The following NEK6 variants were observed in gnomAD, a reference collection of about 807,000 sequenced individuals.
NEK6 encodes the protein NIMA related kinase 6, also known as serine/threonine-protein kinase Nek6.
In NEK6, 27 loss-of-function variants were observed where a neutral mutation model predicts 43.5. The ratio of observed to expected loss-of-function variants is 0.62; its 90% CI spans 0.46 to 0.86. The LOEUF (loss-of-function observed/expected upper bound fraction) is 0.86. Among genes scored for constraint, NEK6 ranks in the 40% least tolerant of loss-of-function variants. The probability of loss-of-function intolerance (pLI) is 0.00; values close to 1 mark genes in which losing one functional copy is unlikely to be tolerated. For synonymous variants in NEK6, 167 were observed against 164.1 expected, an observed-to-expected ratio of 1.02 and a Z score of -0.14; for missense variants, 318 against 414.4, an observed-to-expected ratio of 0.77 and a Z score of 2.02.
upstream of NEK6, chr9:124,257,785 C>A (rs1215604278): frequency 8.3e-6 from 12 of 1,452,300 alleles, no homozygotes; most frequent in Admixed American, 6.7e-5. Context: ...CCGAGCGGAT[C>A]GGCCGCAGAA....
chr9:124,339,217 C>T (rs934801704), intron 7 of NEK6, among the ~76,000 whole-genome samples: 9 of 151,692 alleles, frequency 5.9e-5, no homozygotes, highest in Non-Finnish European at 1.0e-4. Flanking sequence ...TTAGTAGAGG[C>T]GGGGTTTTGC....
intron 5 of NEK6, 38 bp downstream of exon 5, chr9:124,321,607 C>A: frequency 7.6e-7 from 1 of 1,315,888 alleles, no homozygotes; most frequent in Non-Finnish European, 1.1e-6. Context: ...GGGGGCTGCG[C>A]AGATCTGGAG....
intron 1 of NEK6, among the ~76,000 whole-genome samples, chr9:124,268,249 G>A (rs2118898191): frequency 6.6e-6 from 1 of 152,258 alleles, no homozygotes; most frequent in Middle Eastern, 3.4e-3. Flanking sequence ...CAGCAGATAG[G>A]GAGTCATTAT....
intron 7 of NEK6, among the ~76,000 whole-genome samples, chr9:124,333,437 G>T (rs890339837): frequency 5.9e-5 from 9 of 152,206 alleles, no homozygotes; most frequent in Non-Finnish European, 1.3e-4. Flanking sequence ...TCAGGGGGTT[G>T]GGGAACCTGC....
chr9:124,288,680 C>T (rs754266730), intron 1 of NEK6, among the ~76,000 whole-genome samples: 2 of 152,158 alleles, frequency 1.3e-5, no homozygotes, highest in Admixed American at 6.5e-5. Flanking sequence ...TTGGTCCTCA[C>T]GGCAGCCCTA....
At chr9:124,268,566 A>T (rs533935035) in intron 1 of NEK6, among the ~76,000 whole-genome samples, 1 of 152,158 alleles carries the variant, frequency 6.6e-6, no homozygotes, top group Non-Finnish European at 1.5e-5. Flanking sequence ...TGGTGTTTTG[A>T]TGGGGTCTTT....
chr9:124,261,493 C>T (rs973047112), intron 1 of NEK6: 3 of 985,316 alleles, frequency 3.0e-6, no homozygotes, highest in Admixed American at 1.2e-4. Flanking sequence ...GGACACTGTT[C>T]GCAGGAAGAG....
intron 4 of NEK6, among the ~76,000 whole-genome samples, chr9:124,316,153 G>C (rs189056083): frequency 2.6e-5 from 4 of 152,248 alleles, no homozygotes; most frequent in Non-Finnish European, 5.9e-5. Flanking sequence ...AAAAGGAAAC[G>C]TGGTTTTCGG....
At chr9:124,291,991 GGC>G in intron 1 of NEK6, 1 of 988,088 alleles carries the variant, frequency 1.0e-6, no homozygotes, top group Non-Finnish European at 1.2e-6. Context: ...AGCCCAGAGA[GGC>G]GACCCAGCTC....
At chr9:124,289,788 C>T (rs1033299941) in intron 1 of NEK6, among the ~76,000 whole-genome samples, 6 of 152,200 alleles carry the variant, frequency 3.9e-5, no homozygotes, top group African/African-American at 1.2e-4. Flanking sequence ...ACAAGAAGGG[C>T]GCTTCTAGAC....
chr9:124,306,690 G>A (rs1243040062), intron 2 of NEK6, among the ~76,000 whole-genome samples: 1 of 152,262 alleles, frequency 6.6e-6, no homozygotes, highest in African/African-American at 2.4e-5. Context: ...ATCTTTGAAA[G>A]GGAAGATGGG....
At chr9:124,296,499 C>T (rs767449572) in intron 1 of NEK6, among the ~76,000 whole-genome samples, 6 of 152,188 alleles carry the variant, frequency 3.9e-5, no homozygotes, top group Non-Finnish European at 7.3e-5. Context: ...GTGGACAGAA[C>T]GAGCCTGGTG....
At chr9:124,261,501 G>A (rs1831028814) in intron 1 of NEK6, 1 of 985,358 alleles carries the variant, frequency 1.0e-6, no homozygotes, top group South Asian at 4.7e-5. Context: ...TTCGCAGGAA[G>A]AGTCCGGTGT....
intron 1 of NEK6, among the ~76,000 whole-genome samples, chr9:124,300,877 AG>A (rs1832935462): frequency 6.6e-6 from 1 of 152,188 alleles, no homozygotes; most frequent in African/African-American, 2.4e-5. Context: ...CCAGGCCTCA[AG>A]GGGTTCTGCC....
chr9:124,258,020 C>G lies in NEK6; in HGVS notation c.-95C>G. ...GCGCCGCAAACTCGTGTGGGACGCACCGCTCCAGCCGCCCGCGGGCCAGCG... is the reference window on the plus strand; with the variant it reads ...GCGCCGCAAACTCGTGTGGGACGCAGCGCTCCAGCCGCCCGCGGGCCAGCG... On this transcript the variant is annotated 5_prime_UTR_variant, in exon 1 of 10. Transcript: ENST00000320246. The G allele has an allele frequency of 8.2e-6, 8 of 979,106 alleles. No homozygotes were observed. Among genetic ancestry groups the G allele is most frequent in the Non-Finnish European group, 9.7e-6 (8 of 827,552 alleles). The allele number at this position is 979,106 out of a possible 1,614,324, so 60.7% of individuals were successfully genotyped here.
At chr9:124,267,871 C>T (rs911614378) in intron 1 of NEK6, among the ~76,000 whole-genome samples, 3 of 152,178 alleles carry the variant, frequency 2.0e-5, no homozygotes, top group African/African-American at 4.8e-5. Flanking sequence ...TTCACTCGCA[C>T]AGACCTTTAT....
rs1224826437 is a variant in NEK6 at position 124,314,127 on chromosome 9, G to A, written c.294+142G>A. On this transcript the variant is annotated intron_variant, in intron 4 of 9. Coordinates refer to ENST00000320246, the MANE Select transcript of NEK6 (RefSeq NM_014397.6). ...AGTTAACAGACGATAGCTTTCTAGGGGCAGCGGCTAGTGAGTTTTCTCCTG... is the reference window on the plus strand; with the variant it reads ...AGTTAACAGACGATAGCTTTCTAGGAGCAGCGGCTAGTGAGTTTTCTCCTG... 3 of 738,808 alleles carry A rather than the reference G, an allele frequency of 4.1e-6. No homozygotes were observed. In the African/African-American group the frequency reaches 5.3e-5, roughly 13 times the overall value. The allele number at this position is 738,808 out of a possible 1,614,324, so 45.8% of individuals were successfully genotyped here.
chr9:124,303,602 T>G (rs1344247400), intron 2 of NEK6, among the ~76,000 whole-genome samples: 3 of 152,090 alleles, frequency 2.0e-5, no homozygotes, highest in Admixed American at 6.6e-5. Flanking sequence ...CTGGTGGGGG[T>G]GTGTGTATAT....
At chr9:124,329,944 A>C (rs1228453185) in intron 7 of NEK6, among the ~76,000 whole-genome samples, 2 of 152,206 alleles carry the variant, frequency 1.3e-5, no homozygotes, top group African/African-American at 4.8e-5. Context: ...GCCGCATCTC[A>C]TGTGCACCTA....
Sources: gnomAD v4.1 joint callset for allele counts (sites outside exome capture counted in the v4.1 genomes callset) on GRCh38, gnomAD v4.1.1 for gene constraint, MANE v1.5 for transcripts, NCBI Gene and HGNC (gene_info 2026-07-23, HGNC 2026-07-21) for gene names.